The following ZNF516 variants were observed in gnomAD, a reference collection of about 807,000 sequenced individuals.
ZNF516 encodes the protein zinc finger protein 516.
In ZNF516, 19 loss-of-function variants were observed where a neutral mutation model predicts 79.7. The observed-to-expected ratio is 0.24, with a 90% CI of 0.17 to 0.35. The LOEUF (loss-of-function observed/expected upper bound fraction) is 0.35. Among genes scored for constraint, ZNF516 ranks in the 10% least tolerant of loss-of-function variants. The pLI is 1.00. For synonymous variants in ZNF516, 877 were observed against 739.5 expected, an observed-to-expected ratio of 1.19 and a Z score of -3.02; for missense variants, 1,678 against 1,679.5, an observed-to-expected ratio of 1.00 and a Z score of 0.02.
intron 3 of ZNF516, among the ~76,000 whole-genome samples, chr18:76,382,613 T>C (rs2074911081): frequency 1.3e-5 from 2 of 152,002 alleles, no homozygotes; most frequent in African/African-American, 4.8e-5. Flanking sequence ...AGTAATAAAC[T>C]AAAAGTGAAT....
In ZNF516 at chr18:76,441,827, G is replaced by A; in HGVS notation, c.1228C>T (p.Leu410=). 1 of 1,566,642 alleles carries A rather than the reference G, an allele frequency of 6.4e-7. No individual in the cohort carries two copies. The highest frequency in any genetic ancestry group is 8.6e-7 in the Non-Finnish European group (1 of 1,163,248). The change falls in exon 3 of 7, where the codon CTG becomes TTG. Residue 410 remains leucine (L), a synonymous_variant. Coordinates refer to ENST00000443185, the MANE Select transcript of ZNF516 (RefSeq NM_014643.4). ...GCCTGGTAGCTGTTGACCGGGTCCAGCTCAGCCACCCGCCGTCCGGCCTGC... is the reference window on the plus strand; with the variant it reads ...GCCTGGTAGCTGTTGACCGGGTCCAACTCAGCCACCCGCCGTCCGGCCTGC... ...GTQAGRRVAE[L]DPVNSYQAWQ...
intron 6 of ZNF516, among the ~76,000 whole-genome samples, chr18:76,363,734 G>A (rs1180479918): frequency 1.3e-5 from 2 of 152,122 alleles, no homozygotes; most frequent in Non-Finnish European, 2.9e-5. Context: ...GGTTCTGATG[G>A]GAAATATTCA....
intron 2 of ZNF516, among the ~76,000 whole-genome samples, chr18:76,450,421 G>C (rs920235167): frequency 7.2e-6 from 1 of 139,190 alleles, no homozygotes; most frequent in South Asian, 2.3e-4. Flanking sequence ...ACTACCTTTA[G>C]TTAACTCAAG....
intron 2 of ZNF516, among the ~76,000 whole-genome samples, chr18:76,453,336 C>CA (rs1265434930): frequency 2.0e-5 from 3 of 152,244 alleles, no homozygotes; most frequent in East Asian, 1.9e-4. Context: ...GCATCTCCCC[C>CA]AAACCCACGG....
intron 2 of ZNF516, among the ~76,000 whole-genome samples, chr18:76,452,989 A>C (rs1267298426): frequency 5.3e-5 from 8 of 152,200 alleles, no homozygotes; most frequent in Admixed American, 5.2e-4. Context: ...TCAGAAGGGA[A>C]GGAGCCTCGT....
intron 4 of ZNF516, among the ~76,000 whole-genome samples, chr18:76,372,525 T>C (rs980050369): frequency 3.9e-5 from 6 of 152,236 alleles, no homozygotes; most frequent in Non-Finnish European, 5.9e-5. Flanking sequence ...TTTATGTATC[T>C]AAAGGCTGAC....
In ZNF516 at chr18:76,359,458, A is replaced by G. The variant is rs2074499965; in HGVS notation, c.*3040T>C. 2 of 152,274 alleles carry G rather than the reference A, an allele frequency of 1.3e-5. No individual in the cohort carries two copies. The highest frequency in any genetic ancestry group is 6.5e-5 in the Admixed American group (1 of 15,292). 9.4% of individuals were successfully genotyped at this position (152,274 alleles called of 1,614,324 possible). ...GACTTTTGAGAGAATTTAAATATTCATTCTTCAAATTAAGGAATACAAGTG... is the reference window on the plus strand; with the variant it reads ...GACTTTTGAGAGAATTTAAATATTCGTTCTTCAAATTAAGGAATACAAGTG... On this transcript the variant is annotated 3_prime_UTR_variant, in exon 7 of 7. Coordinates refer to ENST00000443185, the MANE Select transcript of ZNF516 (RefSeq NM_014643.4).
chr18:76,480,531 T>TATATA (rs1568327546), intron 1 of ZNF516, among the ~76,000 whole-genome samples: 50 of 52,884 alleles, frequency 9.5e-4, no homozygotes, highest in African/African-American at 4.0e-3. Context: ...ACACATATAT[T>TATATA]TTTTTTTTTG....
At chr18:76,438,299 T>C (rs1393568519) in intron 3 of ZNF516, among the ~76,000 whole-genome samples, 1 of 152,262 alleles carries the variant, frequency 6.6e-6, no homozygotes, top group Non-Finnish European at 1.5e-5. Context: ...GTATGTCTCC[T>C]TGCAAAGCAA....
At position 76,459,768 on chromosome 18, in the gene ZNF516, C is replaced by T. The variant is rs549557040; in HGVS notation, c.-158+3260G>A. On this transcript the variant is annotated intron_variant, in intron 2 of 6. Coordinates refer to ENST00000443185, the MANE Select transcript of ZNF516 (RefSeq NM_014643.4). This position sits in a 1 kb window ranked among gnomAD's most constrained non-coding sequence, Gnocchi z 5.0. ...GCACAGTGGGTATCCCATCACAACG[C>T]GGGAGGATTCAGGGCCAACTGCAGG... 2.0e-5 allele frequency among the ~76,000 whole-genome samples: 3 copies of T among 152,216 alleles called. No individual in the cohort carries two copies. The highest frequency in any genetic ancestry group is 3.9e-4 in the East Asian group (2 of 5,168).
chr18:76,415,886 T>G (rs533624176), intron 3 of ZNF516, among the ~76,000 whole-genome samples: 1 of 152,324 alleles, frequency 6.6e-6, no homozygotes, highest in South Asian at 2.1e-4. Flanking sequence ...AGCATCTCTC[T>G]TACTGTAAAA....
At chr18:76,368,299 T>C (rs1257434348) in intron 6 of ZNF516, among the ~76,000 whole-genome samples, 2 of 152,048 alleles carry the variant, frequency 1.3e-5, no homozygotes, top group South Asian at 2.1e-4. Flanking sequence ...AGTTCCAAAG[T>C]ACGTTAAGGA....
chr18:76,409,854 A>G (rs2075352030), intron 3 of ZNF516, among the ~76,000 whole-genome samples: 1 of 152,166 alleles, frequency 6.6e-6, no homozygotes, highest in Non-Finnish European at 1.5e-5. Context: ...CCCCACCCAA[A>G]TCTCACCTTG....
At chr18:76,408,825 T>C (rs1209180309) in intron 3 of ZNF516, among the ~76,000 whole-genome samples, 1 of 152,238 alleles carries the variant, frequency 6.6e-6, no homozygotes, top group East Asian at 1.9e-4. Flanking sequence ...TATGAAATAC[T>C]TAGCACCCAC....
chr18:76,398,509 GGAA>G (rs1188497162), intron 3 of ZNF516, among the ~76,000 whole-genome samples: 2 of 152,174 alleles, frequency 1.3e-5, no homozygotes, highest in Non-Finnish European at 2.9e-5. Context: ...GGGACTGTCG[GGAA>G]GAAGGTGCTG....
intron 3 of ZNF516, among the ~76,000 whole-genome samples, chr18:76,420,747 A>T (rs2075496341): frequency 6.6e-6 from 1 of 152,210 alleles, no homozygotes; most frequent in African/African-American, 2.4e-5. Flanking sequence ...ATATATATAA[A>T]AAAAAACAAA....
chr18:76,369,790 T>A lies in ZNF516; in HGVS notation c.3432+738A>T, dbSNP rs193036791. Among the ~76,000 whole-genome samples the A allele has an allele frequency of 1.5e-4, 23 of 152,192 alleles. No individual in the cohort carries two copies. In the East Asian group the frequency reaches 4.3e-3, roughly 28 times the overall value. On this transcript the variant is annotated intron_variant, in intron 6 of 6. Coordinates refer to ENST00000443185, the MANE Select transcript of ZNF516 (RefSeq NM_014643.4). Reference sequence around the variant, plus strand: ...AGTTTGTCTTTGGAGAAAGCCAGAATGTTACTTAGAGAATGCTTGTGCAAC... The same window carrying A: ...AGTTTGTCTTTGGAGAAAGCCAGAAAGTTACTTAGAGAATGCTTGTGCAAC...
intron 6 of ZNF516, among the ~76,000 whole-genome samples, chr18:76,367,873 C>T (rs1411536738): frequency 6.6e-6 from 1 of 152,282 alleles, no homozygotes; most frequent in East Asian, 1.9e-4. Context: ...GTTTCAATTA[C>T]ATAATGTAGC....
At chr18:76,403,345 C>T (rs12967991) in intron 3 of ZNF516, among the ~76,000 whole-genome samples, 14,732 of 152,226 alleles carry the variant, frequency 0.097, 871 homozygotes, top group Admixed American at 0.13. Flanking sequence ...CACGCTGCAA[C>T]GCACACCAAC....
Sources: allele counts gnomAD v4.1 joint callset (sites outside exome capture counted in the v4.1 genomes callset), GRCh38; gene constraint gnomAD v4.1.1; non-coding constraint Gnocchi (gnomAD v3.1); transcripts MANE v1.5; gene names NCBI Gene and HGNC (gene_info 2026-07-23, HGNC 2026-07-21).